PXDNL: variants seen among roughly 807,000 people sequenced by gnomAD.
PXDNL encodes probable oxidoreductase PXDNL.
PXDNL carries 145 observed loss-of-function variants against 150.8 expected under a neutral mutation model. That is an observed-to-expected ratio of 0.96 (90% CI 0.84 to 1.10). The LOEUF (loss-of-function observed/expected upper bound fraction) is 1.10, where lower values mean the gene tolerates loss of function less well. PXDNL is among the 50% of genes least tolerant of loss of function. The pLI, the probability that PXDNL is intolerant of heterozygous loss-of-function variation, is 0.00. For synonymous variants in PXDNL, 757 were observed against 725.7 expected (o/e 1.04, Z -0.69); for missense variants, 2,087 against 1,873.9 (o/e 1.11, Z -2.10).
intron 19 of PXDNL, among the ~76,000 whole-genome samples, chr8:51,352,575 C>G (rs1413823572): frequency 6.6e-6 from 1 of 152,166 alleles, no homozygotes; most frequent in African/African-American, 2.4e-5. Context: ...CCTTTGCTCT[C>G]TCTTCCTCCC....
chr8:51,776,259 T>C (rs1203082116), intron 1 of PXDNL, among the ~76,000 whole-genome samples: 2 of 152,186 alleles, frequency 1.3e-5, no homozygotes, highest in Non-Finnish European at 2.9e-5. Context: ...TGCCTTGTGA[T>C]ATTTTATCAC....
intron 1 of PXDNL, among the ~76,000 whole-genome samples, chr8:51,705,458 A>G (rs759045806): frequency 1.3e-5 from 2 of 152,348 alleles, no homozygotes; most frequent in Non-Finnish European, 2.9e-5. Flanking sequence ...TCATAGTGAC[A>G]ATAAGCTTCA....
intron 1 of PXDNL, among the ~76,000 whole-genome samples, chr8:51,773,294 C>A (rs2037319114): frequency 6.6e-6 from 1 of 152,164 alleles, no homozygotes. Context: ...AAGGTCAGTG[C>A]TAGTAAGGCA....
intron 4 of PXDNL, among the ~76,000 whole-genome samples, chr8:51,554,730 A>G (rs932749963): frequency 6.6e-6 from 1 of 152,152 alleles, no homozygotes; most frequent in Non-Finnish European, 1.5e-5. Flanking sequence ...CCTTTACTCC[A>G]GTTTCCATTA....
intron 21 of PXDNL, among the ~76,000 whole-genome samples, chr8:51,336,236 A>T (rs1805826993): frequency 6.6e-6 from 1 of 152,204 alleles, no homozygotes. Context: ...CACTTCCAGA[A>T]ATATACATGC....
intron 12 of PXDNL, among the ~76,000 whole-genome samples, chr8:51,445,010 G>A (rs931184504): frequency 3.3e-5 from 5 of 151,694 alleles, no homozygotes; most frequent in South Asian, 2.1e-4. Flanking sequence ...AGGTTCAAAC[G>A]ATTCTCCCTC....
chr8:51,622,840 T>C (rs1320232676), intron 2 of PXDNL, among the ~76,000 whole-genome samples: 1 of 152,168 alleles, frequency 6.6e-6, no homozygotes, highest in African/African-American at 2.4e-5. Flanking sequence ...TGGCCGGAGC[T>C]CCTGCGCTCA....
chr8:51,807,255 C>A (rs778353321), intron 1 of PXDNL, among the ~76,000 whole-genome samples: 1 of 152,080 alleles, frequency 6.6e-6, no homozygotes, highest in African/African-American at 2.4e-5. Flanking sequence ...TTACAATCAT[C>A]GCAGAAGGCA....
At chr8:51,366,698 G>A (rs28472549) in intron 19 of PXDNL, among the ~76,000 whole-genome samples, 1,914 of 152,288 alleles carry the variant, frequency 0.013, 35 homozygotes, top group African/African-American at 0.044. Context: ...CTGTACAGTA[G>A]GACCTGACAG....
intron 1 of PXDNL, among the ~76,000 whole-genome samples, chr8:51,746,600 A>G (rs1188534742): frequency 1.3e-5 from 2 of 152,074 alleles, no homozygotes; most frequent in Non-Finnish European, 2.9e-5. Context: ...AGCTTGTTAC[A>G]CATGTAGCGT....
chr8:51,473,762 A>T (rs1003232379), intron 7 of PXDNL, among the ~76,000 whole-genome samples: 1 of 151,976 alleles, frequency 6.6e-6, no homozygotes, highest in Non-Finnish European at 1.5e-5. Context: ...AAAAAAAAAA[A>T]ACAGTAAGTG....
At chr8:51,687,972 T>G (rs1815912385) in intron 1 of PXDNL, among the ~76,000 whole-genome samples, 1 of 152,244 alleles carries the variant, frequency 6.6e-6, no homozygotes, top group Non-Finnish European at 1.5e-5. Flanking sequence ...TAGCACAGAT[T>G]TTGACATTTC....
chr8:51,324,899 T>A (rs1196333353), intron 21 of PXDNL, among the ~76,000 whole-genome samples: 3 of 144,714 alleles, frequency 2.1e-5, no homozygotes, highest in Non-Finnish European at 4.6e-5. Flanking sequence ...TTTATTTGTT[T>A]GTTTATTTTG....
chr8:51,545,982 G>A (rs1812353140), intron 4 of PXDNL, among the ~76,000 whole-genome samples: 1 of 152,178 alleles, frequency 6.6e-6, no homozygotes, highest in African/African-American at 2.4e-5. Context: ...GGGTGGGTAG[G>A]GAGGATGATG....
At chr8:51,425,319 A>T (rs1809061871) in intron 13 of PXDNL, among the ~76,000 whole-genome samples, 1 of 152,182 alleles carries the variant, frequency 6.6e-6, no homozygotes. Context: ...TGTGTGTAAA[A>T]TGTCTGGCAT....
chr8:51,373,562 AT>A (rs1807195202), intron 18 of PXDNL, among the ~76,000 whole-genome samples: 1 of 152,364 alleles, frequency 6.6e-6, no homozygotes, highest in Admixed American at 6.5e-5. Context: ...ATTTTAAAAA[AT>A]TAATGAAATA....
intron 2 of PXDNL, among the ~76,000 whole-genome samples, chr8:51,600,951 C>T: frequency 7.4e-6 from 1 of 134,534 alleles, no homozygotes. Flanking sequence ...TAAATTATAT[C>T]TTCTATAAAT....
chr8:51,382,297 T>A (rs549411417), intron 17 of PXDNL, among the ~76,000 whole-genome samples: 1 of 142,330 alleles, frequency 7.0e-6, no homozygotes, highest in African/African-American at 2.6e-5. Flanking sequence ...GATTCTCTCC[T>A]CCAAGGTCCT....
chr8:51,494,100 G>C (rs1271370014), intron 5 of PXDNL, among the ~76,000 whole-genome samples: 1 of 152,154 alleles, frequency 6.6e-6, no homozygotes, highest in African/African-American at 2.4e-5. Context: ...AACTCTACAA[G>C]CCAGAAGAGA....
Sources: gnomAD v4.1 joint callset for allele counts (sites outside exome capture counted in the v4.1 genomes callset) on GRCh38, gnomAD v4.1.1 for gene constraint, MANE v1.5 for transcripts, NCBI Gene and HGNC (gene_info 2026-07-23, HGNC 2026-07-21) for gene names.